The following PLCXD3 variants were observed in gnomAD, a reference collection of about 807,000 sequenced individuals.
The protein encoded by PLCXD3 is phosphatidylinositol specific phospholipase C X domain containing 3, also known as PI-PLC X domain-containing protein 3.
Under a neutral mutation model 25.5 loss-of-function variants are expected in PLCXD3, and 19 were observed. The observed-to-expected ratio is 0.75, with a 90% CI of 0.52 to 1.09. PLCXD3 has a LOEUF of 1.09. PLCXD3 is among the 50% of genes least tolerant of loss of function. PLCXD3 has a pLI of 0.00. For missense variants in PLCXD3, 411 were observed against 388.1 expected (o/e 1.06, Z -0.50); for synonymous variants, 174 against 137.6 (o/e 1.26, Z -1.85).
Position 41,313,745 on chromosome 5 carries a change from C to T in PLCXD3, c.838G>A (p.Val280Ile), listed in dbSNP as rs1224005490. 1 of 1,606,876 alleles carries T rather than the reference C, an allele frequency of 6.2e-7. No individual in the cohort carries two copies. Among genetic ancestry groups the T allele is most frequent in the Non-Finnish European group, 8.5e-7 (1 of 1,176,638 alleles). The change falls in exon 3 of 3, where the codon GTC (valine) becomes ATC (isoleucine). Residue 280 changes from valine to isoleucine, a missense_variant. Coordinates refer to ENST00000377801, the MANE Select transcript of PLCXD3 (RefSeq NM_001005473.3). Reference sequence around the variant, plus strand: ...CTCTCTCCTGGCTTCTGCGTGCGGACCCACTGCATCATGGCAGGAAGAGCT... The same window carrying T: ...CTCTCTCCTGGCTTCTGCGTGCGGATCCACTGCATCATGGCAGGAAGAGCT... ...ERALPAMMQW[V>I]RTQKPGESGI...
intron 1 of PLCXD3, among the ~76,000 whole-genome samples, chr5:41,451,465 A>G (rs897208203): frequency 2.3e-4 from 35 of 152,154 alleles, no homozygotes; most frequent in African/African-American, 8.2e-4. Flanking sequence ...TGCTGATGTC[A>G]ACAAGGCAAC....
In PLCXD3 at chr5:41,312,906, C is replaced by A. The variant is rs747108790; in HGVS notation, c.*711G>T. ...CCATACATCTCTTTCACCCCTCAACCATTTTTCCCTCTGAAATTGGCATTC... is the reference window on the plus strand; with the variant it reads ...CCATACATCTCTTTCACCCCTCAACAATTTTTCCCTCTGAAATTGGCATTC... On this transcript the variant is annotated 3_prime_UTR_variant, in exon 3 of 3. Coordinates refer to ENST00000377801, the MANE Select transcript of PLCXD3 (RefSeq NM_001005473.3). The A allele has an allele frequency of 6.6e-6, 1 of 152,528 alleles. No homozygotes were observed. Among genetic ancestry groups the A allele is most frequent in the Non-Finnish European group, 1.5e-5 (1 of 68,026 alleles). The allele number at this position is 152,528 out of a possible 1,614,324, so 9.4% of individuals were successfully genotyped here.
chr5:41,422,063 T>A (rs565916266), intron 1 of PLCXD3, among the ~76,000 whole-genome samples: 13 of 152,330 alleles, frequency 8.5e-5, no homozygotes, highest in African/African-American at 2.6e-4. Flanking sequence ...ATGTATTAAT[T>A]TAAACACACT....
intron 1 of PLCXD3, among the ~76,000 whole-genome samples, chr5:41,506,591 T>C (rs1749056200): frequency 1.3e-5 from 2 of 151,942 alleles, no homozygotes; most frequent in South Asian, 4.2e-4. Flanking sequence ...AAAATAGAAA[T>C]AGGAAATTAC....
chr5:41,483,346 A>G (rs1289520627), intron 1 of PLCXD3, among the ~76,000 whole-genome samples: 1 of 152,162 alleles, frequency 6.6e-6, no homozygotes, highest in Non-Finnish European at 1.5e-5. Flanking sequence ...AGGAAAGAAT[A>G]TTGGACCGGA....
At chr5:41,324,212 A>G (rs1431682716) in intron 2 of PLCXD3, among the ~76,000 whole-genome samples, 1 of 152,176 alleles carries the variant, frequency 6.6e-6, no homozygotes, top group Non-Finnish European at 1.5e-5. Context: ...GAAAATCAAG[A>G]AAAGAAGGAA....
At chr5:41,376,244 A>C (rs1745292299) in intron 2 of PLCXD3, among the ~76,000 whole-genome samples, 1 of 152,134 alleles carries the variant, frequency 6.6e-6, no homozygotes, top group South Asian at 2.1e-4. Context: ...CCAAGGGGGC[A>C]GCACTGTCAG....
At chr5:41,443,617 G>C (rs72758312) in intron 1 of PLCXD3, among the ~76,000 whole-genome samples, 285 of 152,328 alleles carry the variant, frequency 1.9e-3, no homozygotes, top group Non-Finnish European at 1.7e-3. Context: ...ACAGAGCATG[G>C]AGGGTGAAAA....
At chr5:41,476,469 C>T (rs1169646055) in intron 1 of PLCXD3, among the ~76,000 whole-genome samples, 2 of 152,206 alleles carry the variant, frequency 1.3e-5, no homozygotes, top group Non-Finnish European at 2.9e-5. Flanking sequence ...CCTCCCTCAT[C>T]AGTCCCTAAT....
chr5:41,324,566 T>C (rs1743568332), intron 2 of PLCXD3, among the ~76,000 whole-genome samples: 1 of 152,160 alleles, frequency 6.6e-6, no homozygotes, highest in African/African-American at 2.4e-5. Context: ...TAGAAGATAA[T>C]TCTATCTTAA....
At chr5:41,447,313 G>T (rs318073) in intron 1 of PLCXD3, among the ~76,000 whole-genome samples, 1,831 of 152,140 alleles carry the variant, frequency 0.012, 42 homozygotes, top group African/African-American at 0.041. Context: ...TAATTGAAAT[G>T]AAATGAAAAA....
chr5:41,459,092 T>C (rs1048485310), intron 1 of PLCXD3, among the ~76,000 whole-genome samples: 9 of 151,928 alleles, frequency 5.9e-5, no homozygotes, highest in African/African-American at 2.2e-4. Flanking sequence ...AAGTACTCTT[T>C]CAAGGGTCTA....
At position 41,369,527 on chromosome 5, in the gene PLCXD3, C is replaced by CTGGA. The variant is rs1336899152; in HGVS notation, c.812+12295_812+12298dup. Among the ~76,000 whole-genome samples the CTGGA allele has an allele frequency of 4.6e-5, 7 of 152,224 alleles. No individual in the cohort carries two copies. The East Asian group carries it at 1.4e-3, about 29-fold the overall frequency. On this transcript the variant is annotated intron_variant, in intron 2 of 2. Transcript: ENST00000377801. ...ACAGGGTCTTGCTCTGTCACCCAGG[C>CTGGA]TGGAGTACAGAGGCTCCATCAGGGT...
chr5:41,393,227 T>C (rs929427327), intron 1 of PLCXD3, among the ~76,000 whole-genome samples: 2 of 152,136 alleles, frequency 1.3e-5, no homozygotes, highest in African/African-American at 4.8e-5. Flanking sequence ...TATAAAAAAC[T>C]AAGCAGACTT....
chr5:41,500,718 A>G (rs560641338), intron 1 of PLCXD3, among the ~76,000 whole-genome samples: 48 of 152,052 alleles, frequency 3.2e-4, no homozygotes, highest in African/African-American at 1.1e-3. Context: ...GCAAAAATAA[A>G]CAAGTGGAAC....
chr5:41,365,991 G>C (rs895984672), intron 2 of PLCXD3, among the ~76,000 whole-genome samples: 1 of 151,120 alleles, frequency 6.6e-6, no homozygotes, highest in Non-Finnish European at 1.5e-5. Flanking sequence ...TGTGCACAAC[G>C]TGCAGGTTTG....
At chr5:41,331,389 A>T (rs1166246704) in intron 2 of PLCXD3, among the ~76,000 whole-genome samples, 6 of 152,126 alleles carry the variant, frequency 3.9e-5, no homozygotes, top group Admixed American at 2.6e-4. Flanking sequence ...TTACAAGGGA[A>T]GTGAAGGACC....
At chr5:41,367,347 T>C (rs907339581) in intron 2 of PLCXD3, among the ~76,000 whole-genome samples, 10 of 152,230 alleles carry the variant, frequency 6.6e-5, no homozygotes, top group Non-Finnish European at 1.5e-4. Context: ...TGGCATGAGA[T>C]GGTATCTCAT....
chr5:41,341,266 T>A lies in PLCXD3; in HGVS notation c.813-27496A>T, dbSNP rs991952096. 7.2e-5 allele frequency among the ~76,000 whole-genome samples: 11 copies of A among 152,160 alleles called. No homozygotes were observed. The East Asian group carries it at 1.2e-3, about 16-fold the overall frequency. ...TCAATATCGCATGTCTACACTGCCA[T>A]GCTAATGTCCAGAGTGGACAGCTTC... On this transcript the variant is annotated intron_variant, in intron 2 of 2. Coordinates refer to ENST00000377801, the MANE Select transcript of PLCXD3 (RefSeq NM_001005473.3).
Sources: gnomAD v4.1 joint callset for allele counts (sites outside exome capture counted in the v4.1 genomes callset) on GRCh38, gnomAD v4.1.1 for gene constraint, MANE v1.5 for transcripts, NCBI Gene and HGNC (gene_info 2026-07-23, HGNC 2026-07-21) for gene names.